Variants in SRGAP3 observed in about 807,000 individuals in gnomAD.
The protein encoded by SRGAP3 is SLIT-ROBO Rho GTPase-activating protein 3.
In SRGAP3, 39 loss-of-function variants were observed where a neutral mutation model predicts 121.1. The observed-to-expected ratio is 0.32, with a 90% CI of 0.25 to 0.42. SRGAP3 has a LOEUF of 0.42. Ranked by LOEUF, SRGAP3 falls within the 10% of genes least tolerant of loss-of-function variation. The probability of loss-of-function intolerance (pLI) is 1.00; values close to 1 mark genes in which losing one functional copy is unlikely to be tolerated. For missense variants in SRGAP3, 1,213 were observed against 1,470.6 expected (o/e 0.82, Z 2.86); for synonymous variants, 601 against 570.0 (o/e 1.05, Z -0.77).
intron 2 of SRGAP3, among the ~76,000 whole-genome samples, chr3:9,115,478 C>A (rs1345197407): frequency 6.6e-6 from 1 of 152,030 alleles, no homozygotes; most frequent in East Asian, 1.9e-4. Flanking sequence ...CTAGTTAATG[C>A]TTTGGTAGTT....
intron 1 of SRGAP3, among the ~76,000 whole-genome samples, chr3:9,163,587 AGGGGGC>A (rs1950676703): frequency 6.6e-6 from 1 of 152,196 alleles, no homozygotes; most frequent in African/African-American, 2.4e-5. Flanking sequence ...GTCAAAGCAG[AGGGGGC>A]AGGGGAGGTG....
At chr3:9,178,290 A>AT (rs1222181623) in intron 1 of SRGAP3, among the ~76,000 whole-genome samples, 1 of 152,062 alleles carries the variant, frequency 6.6e-6, no homozygotes, top group Non-Finnish European at 1.5e-5. Context: ...ATAAAAATAA[A>AT]TAAGATAAGC....
chr3:9,336,276 G>A (rs1276712443), intron 1 of SRGAP3, among the ~76,000 whole-genome samples: 2 of 151,420 alleles, frequency 1.3e-5, no homozygotes, highest in Non-Finnish European at 2.9e-5. Context: ...TAGTTCAGTG[G>A]TGTGATCATA....
At chr3:9,250,797 C>CA (rs1195100728), upstream of SRGAP3, among the ~76,000 whole-genome samples, 8 of 152,122 alleles carry the variant, frequency 5.3e-5, no homozygotes, top group East Asian at 1.9e-4. Flanking sequence ...AACCCAGGCT[C>CA]AAAGTCTCCT....
At chr3:9,325,232 T>C (rs557750801) in intron 3 of SRGAP3, among the ~76,000 whole-genome samples, 1 of 151,978 alleles carries the variant, frequency 6.6e-6, no homozygotes, top group East Asian at 1.9e-4. Context: ...TTGTTATGAC[T>C]ATCGGGAGGA....
intron 1 of SRGAP3, chr3:9,349,025 C>G: frequency 1.0e-6 from 1 of 955,976 alleles, no homozygotes; most frequent in Non-Finnish European, 1.7e-6. Flanking sequence ...TGTCAAGCAT[C>G]TGGAGGGCCT....
chr3:9,088,370 T>G (rs1171018709), intron 3 of SRGAP3, among the ~76,000 whole-genome samples: 3 of 152,098 alleles, frequency 2.0e-5, no homozygotes, highest in Non-Finnish European at 4.4e-5. Context: ...GCCAGTAAAA[T>G]GAGGCTGACC....
At chr3:9,259,486 G>T (rs928074199) in intron 3 of SRGAP3, among the ~76,000 whole-genome samples, 1 of 151,922 alleles carries the variant, frequency 6.6e-6, no homozygotes, top group African/African-American at 2.4e-5. Flanking sequence ...TTATTTTTTT[G>T]TAGAGATGGT....
At chr3:9,351,833 T>C (rs1220748137) in intron 1 of SRGAP3, among the ~76,000 whole-genome samples, 1 of 152,158 alleles carries the variant, frequency 6.6e-6, no homozygotes, top group Non-Finnish European at 1.5e-5. Flanking sequence ...CAAAATGGAT[T>C]CTCTGTGGCT....
At chr3:9,086,445 G>A (rs1031309948) in intron 3 of SRGAP3, among the ~76,000 whole-genome samples, 35 of 150,694 alleles carry the variant, frequency 2.3e-4, no homozygotes, top group Non-Finnish European at 1.3e-4. Flanking sequence ...ATTTAAGCCT[G>A]GTAGGTAGGG....
chr3:9,348,652 T>G (rs1299796183), intron 1 of SRGAP3: 2 of 1,076,486 alleles, frequency 1.9e-6, no homozygotes, highest in Admixed American at 3.4e-5. Context: ...TGGACAGTGC[T>G]AGATGCCATT....
chr3:9,229,559 T>C (rs575422674), intron 1 of SRGAP3, among the ~76,000 whole-genome samples: 4 of 152,302 alleles, frequency 2.6e-5, no homozygotes, highest in Admixed American at 1.3e-4. Context: ...AGATTTCATT[T>C]CCTAGCCAGC....
At chr3:9,230,751 T>C (rs890414799) in intron 1 of SRGAP3, among the ~76,000 whole-genome samples, 1 of 151,534 alleles carries the variant, frequency 6.6e-6, no homozygotes, top group Non-Finnish European at 1.5e-5. Flanking sequence ...CATGCACCTA[T>C]AGTCCCAGCT....
chr3:9,012,367 T>A (rs1943418687), intron 17 of SRGAP3, among the ~76,000 whole-genome samples: 1 of 152,220 alleles, frequency 6.6e-6, no homozygotes, highest in Admixed American at 6.5e-5. Context: ...AAAGAAATAG[T>A]AGAAATGCTT....
chr3:9,251,154 G>A (rs960410021), upstream of SRGAP3, among the ~76,000 whole-genome samples: 2 of 151,592 alleles, frequency 1.3e-5, no homozygotes, highest in African/African-American at 4.9e-5. Flanking sequence ...AGTGAGGCGG[G>A]GCAGGATGTT....
At chr3:9,191,870 G>A (rs951849489) in intron 1 of SRGAP3, among the ~76,000 whole-genome samples, 2 of 152,134 alleles carry the variant, frequency 1.3e-5, no homozygotes, top group Non-Finnish European at 2.9e-5. Flanking sequence ...TTATTTAAAA[G>A]TGTGTAGCAT....
chr3:9,320,284 T>C (rs960798362), intron 3 of SRGAP3, among the ~76,000 whole-genome samples: 4 of 151,850 alleles, frequency 2.6e-5, no homozygotes, highest in Non-Finnish European at 4.4e-5. Context: ...AACTGATATA[T>C]ATGGTTTGGA....
Position 9,122,822 on chromosome 3 carries a change from G to A in SRGAP3, c.260+1903C>T, listed in dbSNP as rs986045467. Among the ~76,000 whole-genome samples, 10 of 152,120 alleles carry A rather than the reference G, an allele frequency of 6.6e-5. No individual in the cohort carries two copies. In the South Asian group the frequency reaches 2.1e-3, roughly 31 times the overall value. ...ATGCCAAGAGAAGGCACATAAGTGA[G>A]TGTTCAAATGCTGTGGCACAGACTC... On this transcript the variant is annotated intron_variant, in intron 2 of 21. Transcript: ENST00000383836.
At chr3:9,036,561 CACAAAACAAAACAAAACAAA>C (rs67455921) in intron 11 of SRGAP3, 1 of 150,990 alleles carries the variant, frequency 6.6e-6, no homozygotes, top group African/African-American at 2.5e-5. Flanking sequence ...TTATTTAAAA[CACAAAACAAAACAAAACAAA>C]ACAAAACAAA....
Sources: allele counts gnomAD v4.1 joint callset (sites outside exome capture counted in the v4.1 genomes callset), GRCh38; gene constraint gnomAD v4.1.1; transcripts MANE v1.5; gene names NCBI Gene and HGNC (gene_info 2026-07-23, HGNC 2026-07-21).